COBL: variants seen among roughly 807,000 people sequenced by gnomAD.
COBL encodes cordon-bleu WH2 repeat protein.
Under a neutral mutation model 98.8 loss-of-function variants are expected in COBL, and 51 were observed. The ratio of observed to expected loss-of-function variants is 0.52; its 90% CI spans 0.41 to 0.65. COBL has a LOEUF of 0.65. Among genes scored for constraint, COBL ranks in the 30% least tolerant of loss-of-function variants. The pLI is 0.00. For missense variants in COBL, 1,617 were observed against 1,617.5 expected (o/e 1.00, Z 0.01); for synonymous variants, 634 against 651.7 (o/e 0.97, Z 0.41).
chr7:51,075,658 G>A (rs1310760877), intron 7 of COBL, among the ~76,000 whole-genome samples: 1 of 152,182 alleles, frequency 6.6e-6, no homozygotes, highest in Non-Finnish European at 1.5e-5. Context: ...GCAAAGTGCT[G>A]TTCTGTTCCA....
At chr7:51,200,488 T>A (rs1791016680) in intron 2 of COBL, among the ~76,000 whole-genome samples, 1 of 152,176 alleles carries the variant, frequency 6.6e-6, no homozygotes, top group African/African-American at 2.4e-5. Flanking sequence ...ACATAAAGTG[T>A]CTGTGGGAGG....
At chr7:51,240,696 A>ACTGGCTAACTTTTTGTATTTTAAGTTAG (rs1795707760) in intron 1 of COBL, among the ~76,000 whole-genome samples, 1 of 112,760 alleles carries the variant, frequency 8.9e-6, no homozygotes. Flanking sequence ...ACAGGCACGC[A>ACTGGCTAACTTTTTGTATTTTAAGTTAG]CCACCACTCC....
intron 6 of COBL, among the ~76,000 whole-genome samples, chr7:51,113,733 G>A: frequency 6.6e-6 from 1 of 152,310 alleles, no homozygotes; most frequent in Non-Finnish European, 1.5e-5. Flanking sequence ...TATCAGAAAT[G>A]TGTTATTTGC....
Position 51,028,696 on chromosome 7 carries a change from C to T in COBL, c.2400G>A (p.Thr800=), listed in dbSNP as rs374153172. 43 of 1,613,134 alleles carry T rather than the reference C, an allele frequency of 2.7e-5. No homozygotes were observed. The highest frequency in any genetic ancestry group is 8.8e-5 in the South Asian group (8 of 90,940). Residue 800 remains threonine (T), a synonymous_variant, in exon 10 of 13, where the codon ACG becomes ACA. Transcript: ENST00000265136. ...CTTGGAGTCTGCTCTCTGGATTCTG[C>T]GTCTGCGTGGGCACAGGGGTGGAGG... The part of the protein sequence containing the change: ...GPPSTPVPTQ[T]QNPESRLQAD...
chr7:51,194,132 G>T lies in COBL; in HGVS notation c.246-543C>A, dbSNP rs147776122. ...CCTCCATCCTCTGAGAGACTCCAGT[G>T]TTTGTTGTTGTTCCCCTCTATGTGT... On this transcript the variant is annotated intron_variant, in intron 2 of 12. Transcript: ENST00000265136. Among the ~76,000 whole-genome samples, 5 of 152,166 alleles carry T rather than the reference G, an allele frequency of 3.3e-5. No individual in the cohort carries two copies. In the East Asian group the frequency reaches 9.6e-4, roughly 29 times the overall value.
chr7:51,241,481 T>C (rs201285435), intron 1 of COBL, among the ~76,000 whole-genome samples: 1 of 152,150 alleles, frequency 6.6e-6, no homozygotes, highest in East Asian at 1.9e-4. Flanking sequence ...GCAGATCCCA[T>C]TAAGAAACCA....
chr7:51,184,215 A>G lies in COBL; in HGVS notation c.686-16T>C. ...CTAAAGGTTTCTGGAAAAAAAAAGC[A>G]CTAAGTTATTTTTCAGCATCTGAAA... On this transcript the variant is annotated splice_polypyrimidine_tract_variant and intron_variant, in intron 4 of 12. Transcript: ENST00000265136. The G allele has an allele frequency of 7.1e-7, 1 of 1,418,090 alleles. No homozygotes were observed. Among genetic ancestry groups the G allele is most frequent in the Non-Finnish European group, 9.6e-7 (1 of 1,041,878 alleles). The allele number at this position is 1,418,090 out of a possible 1,614,324, so 87.8% of individuals were successfully genotyped here. A position where few individuals can be genotyped will look rare whatever the true frequency, so the allele number is the denominator to read the frequency against.
intron 7 of COBL, among the ~76,000 whole-genome samples, chr7:51,055,162 G>C (rs1562850730): frequency 1.3e-5 from 2 of 152,156 alleles, no homozygotes; most frequent in African/African-American, 4.8e-5. Context: ...TTATCTTCCC[G>C]CAAGGGCGGC....
intron 1 of COBL, among the ~76,000 whole-genome samples, chr7:51,244,613 A>T (rs1402964495): frequency 6.6e-6 from 1 of 152,100 alleles, no homozygotes; most frequent in African/African-American, 2.4e-5. Context: ...TCTCACCCAC[A>T]GCATGCTCCA....
intron 5 of COBL, among the ~76,000 whole-genome samples, chr7:51,141,856 C>T (rs1388400433): frequency 1.3e-5 from 2 of 152,168 alleles, no homozygotes; most frequent in South Asian, 2.1e-4. Context: ...GGGGAGAATG[C>T]TGCTTCTCAT....
chr7:51,047,457 G>A (rs1321080812), intron 7 of COBL, among the ~76,000 whole-genome samples: 1 of 152,114 alleles, frequency 6.6e-6, no homozygotes, highest in East Asian at 1.9e-4. Context: ...TTCTCAGTTC[G>A]GTACTAGTTT....
intron 1 of COBL, among the ~76,000 whole-genome samples, chr7:51,298,365 T>C (rs1801612718): frequency 6.6e-6 from 1 of 152,230 alleles, no homozygotes; most frequent in Admixed American, 6.5e-5. Context: ...CCTACAGACT[T>C]CAACCCAGTC....
chr7:51,290,702 T>C (rs1800816380), intron 1 of COBL, among the ~76,000 whole-genome samples: 1 of 152,080 alleles, frequency 6.6e-6, no homozygotes, highest in Non-Finnish European at 1.5e-5. Flanking sequence ...TTCAGGAAGA[T>C]TAAACTGCTC....
At chr7:51,187,778 C>T (rs1028197147) in intron 4 of COBL, 3 of 605,418 alleles carry the variant, frequency 5.0e-6, no homozygotes, top group South Asian at 8.8e-5. Context: ...CTCGCATGCA[C>T]CTTCAGGAGG....
At chr7:51,260,515 T>G (rs1009742808) in intron 1 of COBL, among the ~76,000 whole-genome samples, 22 of 152,216 alleles carry the variant, frequency 1.4e-4, no homozygotes, top group African/African-American at 5.3e-4. Context: ...AAACAAACAC[T>G]CAAGACACCA....
intron 6 of COBL, among the ~76,000 whole-genome samples, chr7:51,113,949 C>G (rs1381840367): frequency 6.6e-6 from 1 of 152,180 alleles, no homozygotes; most frequent in Non-Finnish European, 1.5e-5. Context: ...TCTATAGTTA[C>G]AGGCCAAATG....
At chr7:51,056,653 CAT>C (rs1367290101) in intron 7 of COBL, among the ~76,000 whole-genome samples, 2 of 152,276 alleles carry the variant, frequency 1.3e-5, no homozygotes, top group East Asian at 3.9e-4. Flanking sequence ...AGGAATAAAA[CAT>C]ATCTTTTAAT....
At chr7:51,134,618 G>C (rs1482263177) in intron 6 of COBL, among the ~76,000 whole-genome samples, 1 of 152,048 alleles carries the variant, frequency 6.6e-6, no homozygotes, top group Non-Finnish European at 1.5e-5. Flanking sequence ...ACATAATATT[G>C]ATCCTGGAAG....
chr7:51,315,826 C>T (rs545969608), intron 1 of COBL, among the ~76,000 whole-genome samples: 1 of 152,272 alleles, frequency 6.6e-6, no homozygotes, highest in African/African-American at 2.4e-5. Context: ...ACGTGTAATC[C>T]CTGCACGCAA....
Sources: gnomAD v4.1 joint callset for allele counts (sites outside exome capture counted in the v4.1 genomes callset) on GRCh38, gnomAD v4.1.1 for gene constraint, MANE v1.5 for transcripts, NCBI Gene and HGNC (gene_info 2026-07-23, HGNC 2026-07-21) for gene names.